The following GRID1 variants were observed in gnomAD, a reference collection of about 807,000 sequenced individuals.
GRID1 encodes the protein glutamate ionotropic receptor delta type subunit 1, also known as glutamate receptor ionotropic, delta-1.
GRID1 carries 28 observed loss-of-function variants against 98.0 expected under a neutral mutation model. The observed-to-expected ratio is 0.29, with a 90% CI of 0.21 to 0.39. GRID1 has a LOEUF of 0.39. Ranked by LOEUF, GRID1 falls within the 10% of genes least tolerant of loss-of-function variation. The probability of loss-of-function intolerance (pLI) is 1.00; values close to 1 mark genes in which losing one functional copy is unlikely to be tolerated. For synonymous variants in GRID1, 553 were observed against 538.5 expected (o/e 1.03, Z -0.37); for missense variants, 1,111 against 1,340.5 (o/e 0.83, Z 2.67).
chr10:85,877,470 G>A lies in GRID1; in HGVS notation c.781-8290C>T, dbSNP rs183209991. Among the ~76,000 whole-genome samples the A allele has an allele frequency of 4.6e-3, 703 of 152,280 alleles. 5 individuals are homozygous for A. Among genetic ancestry groups the A allele is most frequent in the African/African-American group, 0.016 (659 of 41,570 alleles). ...CAAAATCCACTGTTCTACAGCCACC[G>A]CTGTTCTGCAGCCACCGCTGCTGAC... On this transcript the variant is annotated intron_variant, in intron 5 of 15. Coordinates refer to ENST00000327946, the MANE Select transcript of GRID1 (RefSeq NM_017551.3).
In GRID1 at chr10:86,065,345, C is replaced by A. The variant is rs78140071; in HGVS notation, c.726+73474G>T. Among the ~76,000 whole-genome samples, 284 of 152,358 alleles carry A rather than the reference C, an allele frequency of 1.9e-3. 11 individuals are homozygous for A. The East Asian group carries it at 0.05, about 27-fold the overall frequency. ...CCAGGGGATTATGATACCTGCCCCT[C>A]TGAGAACTTCTGCTGCAGCTCTGTG... On this transcript the variant is annotated intron_variant, in intron 4 of 15. Transcript: ENST00000327946.
intron 8 of GRID1, among the ~76,000 whole-genome samples, chr10:85,731,936 A>AC (rs34265318): frequency 6.7e-6 from 1 of 148,880 alleles, no homozygotes; most frequent in African/African-American, 2.5e-5. Context: ...AGAGAGAGAG[A>AC]AGGGAAGGGA....
chr10:85,915,708 T>TAC (rs201777814), intron 5 of GRID1, among the ~76,000 whole-genome samples: 31 of 151,548 alleles, frequency 2.0e-4, no homozygotes, highest in South Asian at 6.3e-4. Flanking sequence ...AACACAGACA[T>TAC]ACACACACAC....
intron 2 of GRID1, among the ~76,000 whole-genome samples, chr10:86,235,170 G>C (rs1846518227): frequency 6.6e-6 from 1 of 152,148 alleles, no homozygotes; most frequent in African/African-American, 2.4e-5. Context: ...AGAAGGCCCA[G>C]TCCCAACCTC....
chr10:86,177,338 T>A (rs1294533889), intron 3 of GRID1, among the ~76,000 whole-genome samples: 2 of 151,978 alleles, frequency 1.3e-5, no homozygotes, highest in Non-Finnish European at 2.9e-5. Flanking sequence ...TGCTCAACAT[T>A]CAACTTACTT....
intron 3 of GRID1, among the ~76,000 whole-genome samples, chr10:86,159,533 G>C (rs1001866713): frequency 6.6e-6 from 1 of 151,192 alleles, no homozygotes; most frequent in Non-Finnish European, 1.5e-5. Flanking sequence ...ATAGGTGGCT[G>C]TACCCTCTAG....
intron 4 of GRID1, among the ~76,000 whole-genome samples, chr10:85,930,287 ATTTATAACTACAAATAACTTGC>A (rs1841832736): frequency 7.9e-6 from 1 of 126,558 alleles, no homozygotes; most frequent in African/African-American, 3.3e-5. Flanking sequence ...ACTTGCGGTT[ATTTATAACTACAAATAACTTGC>A]GGTTATTTAT....
intron 5 of GRID1, among the ~76,000 whole-genome samples, chr10:85,877,063 C>G (rs1386755252): frequency 2.0e-5 from 3 of 152,240 alleles, no homozygotes; most frequent in African/African-American, 7.2e-5. Context: ...GGAGGGGCGC[C>G]TGCCATTGCC....
chr10:86,194,899 C>G (rs535714472), intron 3 of GRID1, among the ~76,000 whole-genome samples: 1 of 152,208 alleles, frequency 6.6e-6, no homozygotes, highest in East Asian at 1.9e-4. Flanking sequence ...CCACTTACAG[C>G]AGTTCCTGTC....
intron 4 of GRID1, among the ~76,000 whole-genome samples, chr10:85,989,709 C>T (rs554311715): frequency 1.2e-4 from 18 of 152,146 alleles, no homozygotes; most frequent in South Asian, 2.1e-4. Context: ...TTGTCTTCCA[C>T]GAAATCTGTC....
chr10:85,916,095 T>G lies in GRID1; in HGVS notation c.780+91A>C. The G allele has an allele frequency of 9.9e-7, 1 of 1,007,210 alleles. No individual in the cohort carries two copies. Among genetic ancestry groups the G allele is most frequent in the Non-Finnish European group, 1.5e-6 (1 of 645,848 alleles). 62.4% of individuals were successfully genotyped at this position (1,007,210 alleles called of 1,614,324 possible). A position where few individuals can be genotyped will look rare whatever the true frequency, so the allele number is the denominator to read the frequency against. On this transcript the variant is annotated intron_variant, in intron 5 of 15. Coordinates refer to ENST00000327946, the MANE Select transcript of GRID1 (RefSeq NM_017551.3). The surrounding 1 kb of genome is among the most constrained non-coding windows in gnomAD (Gnocchi z 4.0). ...CCAGGATTCACAACAGCCCCCTAAG[T>G]CAGAATTGAACTGAAAAGAATCACA...
chr10:85,771,839 A>G (rs2132712343), intron 8 of GRID1, among the ~76,000 whole-genome samples: 1 of 152,322 alleles, frequency 6.6e-6, no homozygotes, highest in East Asian at 1.9e-4. Context: ...TGAGTGACCT[A>G]CAAAGAGACT....
chr10:86,355,885 G>A (rs1848527779), intron 2 of GRID1, among the ~76,000 whole-genome samples: 1 of 152,228 alleles, frequency 6.6e-6, no homozygotes, highest in Non-Finnish European at 1.5e-5. Context: ...CACTTCGTGG[G>A]GCAGCAGGGG....
chr10:85,965,438 G>C (rs146484835), intron 4 of GRID1, among the ~76,000 whole-genome samples: 3 of 152,090 alleles, frequency 2.0e-5, no homozygotes, highest in Admixed American at 1.3e-4. Flanking sequence ...CATATACACC[G>C]TGGAATACTA....
At chr10:85,834,987 T>C (rs547479964) in intron 8 of GRID1, among the ~76,000 whole-genome samples, 6 of 152,046 alleles carry the variant, frequency 3.9e-5, no homozygotes, top group Non-Finnish European at 7.4e-5. Flanking sequence ...TGGGTTAATG[T>C]CAAAAAATTC....
At chr10:85,863,732 G>A (rs1302104750) in intron 6 of GRID1, among the ~76,000 whole-genome samples, 3 of 152,218 alleles carry the variant, frequency 2.0e-5, no homozygotes. Context: ...TGGAGGACAG[G>A]AGGGTGTGCC....
intron 4 of GRID1, among the ~76,000 whole-genome samples, chr10:85,986,171 C>T (rs908442932): frequency 6.6e-6 from 1 of 152,228 alleles, no homozygotes; most frequent in Non-Finnish European, 1.5e-5. Flanking sequence ...TGGGTGGATG[C>T]ATAAATGTAC....
chr10:85,830,277 C>A (rs1305136264), intron 8 of GRID1, among the ~76,000 whole-genome samples: 1 of 152,016 alleles, frequency 6.6e-6, no homozygotes, highest in African/African-American at 2.4e-5. Flanking sequence ...TGAAACTGGA[C>A]CCCTTCCTTA....
At chr10:86,010,228 G>A (rs1842908757) in intron 4 of GRID1, among the ~76,000 whole-genome samples, 1 of 152,152 alleles carries the variant, frequency 6.6e-6, no homozygotes, top group Non-Finnish European at 1.5e-5. Flanking sequence ...CATTACAATG[G>A]CTATCATGAT....
Sources: gnomAD v4.1 joint callset for allele counts (sites outside exome capture counted in the v4.1 genomes callset) on GRCh38, gnomAD v4.1.1 for gene constraint, Gnocchi (gnomAD v3.1) non-coding constraint, MANE v1.5 for transcripts, NCBI Gene and HGNC (gene_info 2026-07-23, HGNC 2026-07-21) for gene names.